The following RPH3AL variants were observed in gnomAD, a reference collection of about 807,000 sequenced individuals.
RPH3AL encodes rab effector Noc2.
RPH3AL carries 38 observed loss-of-function variants against 43.1 expected under a neutral mutation model. The ratio of observed to expected loss-of-function variants is 0.88; its 90% CI spans 0.68 to 1.15. The LOEUF is 1.15. Among genes scored for constraint, RPH3AL ranks in the 50% most tolerant of loss-of-function variants. The pLI, the probability that RPH3AL is intolerant of heterozygous loss-of-function variation, is 0.00. For synonymous variants in RPH3AL, 189 were observed against 176.3 expected (o/e 1.07, Z -0.57); for missense variants, 462 against 423.2 (o/e 1.09, Z -0.81).
Position 303,514 on chromosome 17 carries a change from GA to G in RPH3AL, c.351+15905del, listed in dbSNP as rs1239566795. On this transcript the variant is annotated intron_variant, in intron 5 of 9. Transcript: ENST00000331302. ...CTGTACTGAGGTTTTAATAATTATT[GA>G]GCAGTGACCGTGTTTCAGGAAAGAG... Among the ~76,000 whole-genome samples the G allele has an allele frequency of 1.8e-4, 24 of 131,830 alleles. 2 individuals are homozygous for G. The highest frequency in any genetic ancestry group is 4.9e-4 in the African/African-American group (18 of 36,554). The allele number at this position is 131,830 out of a possible 152,430, so 86.5% of individuals were successfully genotyped here.
chr17:326,434 T>C (rs766847141), intron 3 of RPH3AL, among the ~76,000 whole-genome samples: 9 of 152,154 alleles, frequency 5.9e-5, no homozygotes, highest in African/African-American at 9.7e-5. Context: ...TTTGGACTTA[T>C]CACATGCCAG....
intron 6 of RPH3AL, among the ~76,000 whole-genome samples, chr17:262,340 T>C (rs975015219): frequency 1.2e-4 from 19 of 152,020 alleles, no homozygotes; most frequent in Admixed American, 7.9e-4. Flanking sequence ...CTCAGCCTCC[T>C]GAGTAGCTGG....
intron 5 of RPH3AL, among the ~76,000 whole-genome samples, chr17:311,550 C>T (rs2043646915): frequency 6.6e-6 from 1 of 152,238 alleles, no homozygotes; most frequent in Non-Finnish European, 1.5e-5. Flanking sequence ...GTCTGCCCAT[C>T]TTGACGGTCA....
intron 5 of RPH3AL, among the ~76,000 whole-genome samples, chr17:317,602 C>T (rs146549032): frequency 2.0e-5 from 3 of 152,102 alleles, no homozygotes; most frequent in East Asian, 3.8e-4. Flanking sequence ...GGAGCCCGCA[C>T]AGTCTTACAC....
At chr17:284,907 G>C (rs2042869255) in intron 5 of RPH3AL, among the ~76,000 whole-genome samples, 1 of 152,156 alleles carries the variant, frequency 6.6e-6, no homozygotes, top group Admixed American at 6.5e-5. Flanking sequence ...GCTTCTTGCT[G>C]TACCCTCCCA....
chr17:265,555 ATTCCCTC>A (rs1251748484), intron 6 of RPH3AL, among the ~76,000 whole-genome samples: 12 of 152,038 alleles, frequency 7.9e-5, no homozygotes, highest in African/African-American at 1.9e-4. Context: ...TTTTTCTTTT[ATTCCCTC>A]TTCCCTCTTC....
intron 6 of RPH3AL, among the ~76,000 whole-genome samples, chr17:270,986 C>G (rs2042449755): frequency 6.6e-6 from 1 of 152,200 alleles, no homozygotes; most frequent in African/African-American, 2.4e-5. Flanking sequence ...TTTCAGCTTT[C>G]CACGTATGGC....
intron 5 of RPH3AL, among the ~76,000 whole-genome samples, chr17:314,771 GACCCCAC>G (rs2043853282): frequency 3.5e-5 from 1 of 28,214 alleles, no homozygotes; most frequent in African/African-American, 8.0e-5. Flanking sequence ...TAGTCTCTGT[GACCCCAC>G]CTCCATTGAC....
chr17:226,925 G>A (rs1426745554), intron 7 of RPH3AL, among the ~76,000 whole-genome samples: 1 of 152,212 alleles, frequency 6.6e-6, no homozygotes, highest in Non-Finnish European at 1.5e-5. Context: ...CTGAGTCTGG[G>A]ATGGCTCACC....
At chr17:280,405 G>C (rs1213251596) in intron 6 of RPH3AL, among the ~76,000 whole-genome samples, 1 of 152,176 alleles carries the variant, frequency 6.6e-6, no homozygotes, top group East Asian at 1.9e-4. Context: ...AGCAGGGCCT[G>C]GCCAAGCTGT....
intron 7 of RPH3AL, among the ~76,000 whole-genome samples, chr17:226,845 T>C (rs559351203): frequency 2.6e-5 from 4 of 152,348 alleles, no homozygotes; most frequent in Non-Finnish European, 5.9e-5. Flanking sequence ...CCCTTGCTCT[T>C]CCATCCTCAA....
intron 6 of RPH3AL, among the ~76,000 whole-genome samples, chr17:278,167 C>T (rs906993432): frequency 1.3e-5 from 2 of 152,100 alleles, no homozygotes; most frequent in African/African-American, 4.8e-5. Context: ...GGGCGGTTCC[C>T]TCCATACTGT....
At chr17:292,525 G>C (rs2043070495) in intron 5 of RPH3AL, among the ~76,000 whole-genome samples, 1 of 152,212 alleles carries the variant, frequency 6.6e-6, no homozygotes, top group Non-Finnish European at 1.5e-5. Flanking sequence ...CAAGGGATCT[G>C]AGACTTGAGG....
At chr17:326,581 G>A (rs1263092938) in intron 3 of RPH3AL, among the ~76,000 whole-genome samples, 1 of 152,136 alleles carries the variant, frequency 6.6e-6, no homozygotes, top group Non-Finnish European at 1.5e-5. Context: ...CTAGGCTGAG[G>A]GACAGCAGGA....
chr17:273,859 G>A (rs574718533), intron 6 of RPH3AL, among the ~76,000 whole-genome samples: 12 of 152,258 alleles, frequency 7.9e-5, no homozygotes, highest in East Asian at 3.9e-4. Flanking sequence ...AGAAGAACAC[G>A]CTAATTGTCT....
At chr17:221,602 G>C (rs796505411) in intron 7 of RPH3AL, among the ~76,000 whole-genome samples, 57 of 42,428 alleles carry the variant, frequency 1.3e-3, no homozygotes, top group East Asian at 3.3e-3. Flanking sequence ...CCTCCACTCG[G>C]TGAGACAATA....
At chr17:280,049 G>A (rs530361570) in intron 6 of RPH3AL, among the ~76,000 whole-genome samples, 2 of 152,342 alleles carry the variant, frequency 1.3e-5, no homozygotes, top group East Asian at 3.9e-4. Context: ...GGAAGTGATA[G>A]AGGAAAATAC....
At position 247,742 on chromosome 17, in the gene RPH3AL, T is replaced by C. The variant is rs917497456; in HGVS notation, c.439-457A>G. 13 of 158,528 alleles carry C rather than the reference T, an allele frequency of 8.2e-5. 1 individual carries two copies. 9.8% of individuals were successfully genotyped at this position (158,528 alleles called of 1,614,324 possible). A position where few individuals can be genotyped will look rare whatever the true frequency, so the allele number is the denominator to read the frequency against. ...TGAGACATGTTTATGAAAACCGTCC[T>C]CTGTTACCGTCTGTATCCACCACTC... On this transcript the variant is annotated intron_variant, in intron 6 of 9. Coordinates refer to ENST00000331302, the MANE Select transcript of RPH3AL (RefSeq NM_006987.4).
In RPH3AL at chr17:225,600, C is replaced by A. The variant is rs898107366; in HGVS notation, c.614-5864G>T. ...TTAGAGGCCTGTGGCTCACACTTCCCGGGAGCAGGGAGGTGTCCAGCAGGA... is the reference window on the plus strand; with the variant it reads ...TTAGAGGCCTGTGGCTCACACTTCCAGGGAGCAGGGAGGTGTCCAGCAGGA... On this transcript the variant is annotated intron_variant, in intron 7 of 9. Transcript: ENST00000331302. This position sits in a 1 kb window ranked among gnomAD's most constrained non-coding sequence, Gnocchi z 4.4. 1.3e-5 allele frequency among the ~76,000 whole-genome samples: 2 copies of A among 152,134 alleles called. No individual in the cohort carries two copies. The highest frequency in any genetic ancestry group is 4.8e-5 in the African/African-American group (2 of 41,424).
Sources: gnomAD v4.1 joint callset for allele counts (sites outside exome capture counted in the v4.1 genomes callset) on GRCh38, gnomAD v4.1.1 for gene constraint, Gnocchi (gnomAD v3.1) non-coding constraint, MANE v1.5 for transcripts, NCBI Gene and HGNC (gene_info 2026-07-23, HGNC 2026-07-21) for gene names.